Variants in ATRNL1 observed in about 807,000 individuals in gnomAD.
The protein encoded by ATRNL1 is attractin-like protein 1.
In ATRNL1, 95 loss-of-function variants were observed where a neutral mutation model predicts 182.7. The ratio of observed to expected loss-of-function variants is 0.52; its 90% CI spans 0.44 to 0.62. ATRNL1 has a LOEUF of 0.62. ATRNL1 is among the 20% of genes least tolerant of loss of function. The probability of loss-of-function intolerance (pLI) is 0.00; values close to 1 mark genes in which losing one functional copy is unlikely to be tolerated. For synonymous variants in ATRNL1, 576 were observed against 568.3 expected, an observed-to-expected ratio of 1.01 and a Z score of -0.19; for missense variants, 1,471 against 1,679.5, an observed-to-expected ratio of 0.88 and a Z score of 2.17.
intron 26 of ATRNL1, among the ~76,000 whole-genome samples, chr10:115,554,942 AT>A (rs1418168025): frequency 6.6e-6 from 1 of 151,828 alleles, no homozygotes; most frequent in African/African-American, 2.4e-5. Flanking sequence ...ATTCTAAAAA[AT>A]GTAGTCTCGC....
chr10:115,384,443 G>A (rs992794891), intron 19 of ATRNL1, among the ~76,000 whole-genome samples: 1 of 150,664 alleles, frequency 6.6e-6, no homozygotes, highest in African/African-American at 2.4e-5. Flanking sequence ...AAATATAAGG[G>A]TTTTTTTTTC....
intron 9 of ATRNL1, among the ~76,000 whole-genome samples, chr10:115,230,901 GAGAGAGAGAGAGAGAGAGAGAA>G (rs1394477828): frequency 2.2e-4 from 32 of 148,590 alleles, no homozygotes; most frequent in African/African-American, 5.8e-4. Flanking sequence ...GAGAGAGAGA[GAGAGAGAGAGAGAGAGAGAGAA>G]AGAGAGAAAT....
intron 25 of ATRNL1, among the ~76,000 whole-genome samples, chr10:115,522,373 C>T (rs1850984193): frequency 1.3e-5 from 2 of 152,022 alleles, no homozygotes; most frequent in African/African-American, 4.8e-5. Flanking sequence ...GAGGTGACAG[C>T]CAGAGACTCC....
Position 115,786,499 on chromosome 10 carries a change from A to G in ATRNL1, c.3903+59144A>G, listed in dbSNP as rs372697786. Among the ~76,000 whole-genome samples the G allele has an allele frequency of 1.2e-4, 18 of 152,190 alleles. No individual in the cohort carries two copies. The South Asian group carries it at 2.3e-3, about 19-fold the overall frequency. On this transcript the variant is annotated intron_variant, in intron 27 of 28. Transcript: ENST00000355044. ...TTTGGCTTGTAATTGTATCACTCCC[A>G]TCTCTGCCTTCGTCATCACATGCAC...
chr10:115,555,828 T>C (rs1463326788), intron 26 of ATRNL1, among the ~76,000 whole-genome samples: 1 of 152,028 alleles, frequency 6.6e-6, no homozygotes, highest in Non-Finnish European at 1.5e-5. Flanking sequence ...TATAAACAAA[T>C]AGTCAAATAA....
At chr10:115,213,151 G>A (rs947684272) in intron 8 of ATRNL1, among the ~76,000 whole-genome samples, 1 of 151,900 alleles carries the variant, frequency 6.6e-6, no homozygotes, top group Admixed American at 6.6e-5. Context: ...TTTTCTTGTT[G>A]TCGGTATGAC....
At chr10:115,230,315 A>G (rs1054005845) in intron 9 of ATRNL1, among the ~76,000 whole-genome samples, 1 of 152,224 alleles carries the variant, frequency 6.6e-6, no homozygotes, top group African/African-American at 2.4e-5. Context: ...TGCATTTAAA[A>G]AGAGTGGCCA....
At chr10:115,529,640 G>A (rs2133740074) in intron 25 of ATRNL1, among the ~76,000 whole-genome samples, 1 of 151,942 alleles carries the variant, frequency 6.6e-6, no homozygotes, top group Non-Finnish European at 1.5e-5. Flanking sequence ...ATATTAATCA[G>A]TATGTCTTTT....
rs187920730 is a variant in ATRNL1 at position 115,303,312 on chromosome 10, C to T, written c.2818+1269C>T. On this transcript the variant is annotated intron_variant, in intron 17 of 28. Transcript: ENST00000355044. The stretch of plus-strand genomic sequence containing the variant: ...TAATTTCAGCTCACTGCAACCTCCA[C>T]CTCCCTGGTTCAAGTGATTCTCTTG... 4.4e-3 allele frequency among the ~76,000 whole-genome samples: 662 copies of T among 151,206 alleles called. 5 individuals carry two copies. Among genetic ancestry groups the T allele is most frequent in the African/African-American group, 0.015 (634 of 41,088 alleles).
At chr10:115,688,364 C>CT (rs1318808898) in intron 26 of ATRNL1, among the ~76,000 whole-genome samples, 2 of 152,060 alleles carry the variant, frequency 1.3e-5, no homozygotes, top group Non-Finnish European at 2.9e-5. Context: ...GGTTGGTATA[C>CT]TTTAAGTTTT....
At chr10:115,559,184 C>A (rs1359915723) in intron 26 of ATRNL1, among the ~76,000 whole-genome samples, 1 of 152,192 alleles carries the variant, frequency 6.6e-6, no homozygotes, top group Non-Finnish European at 1.5e-5. Flanking sequence ...CCACTGTCCC[C>A]ATCATTAGCT....
intron 26 of ATRNL1, among the ~76,000 whole-genome samples, chr10:115,592,096 A>G (rs1290702992): frequency 3.3e-5 from 5 of 152,194 alleles, no homozygotes; most frequent in Non-Finnish European, 7.3e-5. Flanking sequence ...GGATGGTCTC[A>G]CTTCTAAGTG....
At chr10:115,214,212 T>C (rs1243512427) in intron 8 of ATRNL1, among the ~76,000 whole-genome samples, 1 of 151,996 alleles carries the variant, frequency 6.6e-6, no homozygotes, top group African/African-American at 2.4e-5. Context: ...AGGGTAACTT[T>C]TACATTTTAT....
At chr10:115,854,749 C>T (rs1295942096) in intron 28 of ATRNL1, among the ~76,000 whole-genome samples, 1 of 152,154 alleles carries the variant, frequency 6.6e-6, no homozygotes, top group Non-Finnish European at 1.5e-5. Context: ...TTCAAATTAG[C>T]CTGTCTTCTC....
intron 25 of ATRNL1, among the ~76,000 whole-genome samples, chr10:115,532,882 T>C (rs1223273581): frequency 6.6e-6 from 1 of 152,150 alleles, no homozygotes; most frequent in Non-Finnish European, 1.5e-5. Context: ...CATGTGGTTT[T>C]TGTCTTTGGT....
At chr10:115,328,905 T>C (rs1185905503) in intron 18 of ATRNL1, among the ~76,000 whole-genome samples, 1 of 152,120 alleles carries the variant, frequency 6.6e-6, no homozygotes, top group Non-Finnish European at 1.5e-5. Flanking sequence ...TTATTGTGTG[T>C]AGTGCTGCAA....
In ATRNL1 at chr10:115,697,925, A is replaced by G. The variant is rs73377559; in HGVS notation, c.3796-29323A>G. Among the ~76,000 whole-genome samples, 492 of 152,292 alleles carry G rather than the reference A, an allele frequency of 3.2e-3. 1 individual carries two copies. The highest frequency in any genetic ancestry group is 0.011 in the African/African-American group (458 of 41,570). ...CCAAGCCAATGATGGAGGCTAATTT[A>G]ATGCGATATAATTGATGAACTCTAA... is the stretch of plus-strand genomic sequence containing the variant. On this transcript the variant is annotated intron_variant, in intron 26 of 28. Coordinates refer to ENST00000355044, the MANE Select transcript of ATRNL1 (RefSeq NM_207303.4).
At chr10:115,576,950 T>C (rs1281576095) in intron 26 of ATRNL1, among the ~76,000 whole-genome samples, 1 of 151,894 alleles carries the variant, frequency 6.6e-6, no homozygotes, top group Non-Finnish European at 1.5e-5. Flanking sequence ...TCTTTTCATG[T>C]TGACATTCAG....
At chr10:115,220,071 G>C (rs1432206302) in intron 9 of ATRNL1, among the ~76,000 whole-genome samples, 4 of 152,152 alleles carry the variant, frequency 2.6e-5, no homozygotes, top group Non-Finnish European at 5.9e-5. Context: ...TAACAATTGT[G>C]CCTCAGTATC....
Sources: allele counts gnomAD v4.1 joint callset (sites outside exome capture counted in the v4.1 genomes callset), GRCh38; gene constraint gnomAD v4.1.1; transcripts MANE v1.5; gene names NCBI Gene and HGNC (gene_info 2026-07-23, HGNC 2026-07-21).